The following TFRC variants were observed in gnomAD, a reference collection of about 807,000 sequenced individuals.
TFRC encodes the protein transferrin receptor protein 1.
Under a neutral mutation model 85.8 loss-of-function variants are expected in TFRC, and 35 were observed. That is an observed-to-expected ratio of 0.41 (90% CI 0.31 to 0.54). The LOEUF (loss-of-function observed/expected upper bound fraction) is 0.54, where lower values mean the gene tolerates loss of function less well. Among genes scored for constraint, TFRC ranks in the 20% least tolerant of loss-of-function variants. The probability of loss-of-function intolerance (pLI) is 0.31; values close to 1 mark genes in which losing one functional copy is unlikely to be tolerated. For synonymous variants in TFRC, 362 were observed against 328.6 expected (o/e 1.10, Z -1.10); for missense variants, 828 against 921.5 (o/e 0.90, Z 1.31).
At position 196,071,451 on chromosome 3, in the gene TFRC, T is replaced by C. The variant is rs770496767; in HGVS notation, c.632A>G (p.Tyr211Cys). The change falls in exon 6 of 19, where the codon TAC becomes TGC. Residue 211 changes from tyrosine (Y) to cysteine (C), a missense_variant. By Grantham distance (194) the Tyr-to-Cys change is radical (BLOSUM62 -2). Coordinates refer to ENST00000360110, the MANE Select transcript of TFRC (RefSeq NM_001128148.3). ...ATAACCCCCAGGATTCTCCACCAGG[T>C]AAACAAGTCTACCGTTCTTATCAAC... ...IIVDKNGRLVYLVENPGGYVA... is the reference protein window; with the variant it reads ...IIVDKNGRLVCLVENPGGYVA... 2 of 1,614,082 alleles carry C rather than the reference T, an allele frequency of 1.2e-6. No individual in the cohort carries two copies. Among genetic ancestry groups the C allele is most frequent in the South Asian group, 2.2e-5 (2 of 91,082 alleles).
In TFRC at chr3:196,051,308, C is replaced by A. The variant is rs1357934295; in HGVS notation, c.*634G>T. The A allele has an allele frequency of 9.1e-6, 2 of 220,000 alleles. No homozygotes were observed. Among genetic ancestry groups the A allele is most frequent in the Non-Finnish European group, 1.8e-5 (2 of 109,490 alleles). 13.6% of individuals were successfully genotyped at this position (220,000 alleles called of 1,614,324 possible). On this transcript the variant is annotated 3_prime_UTR_variant, in exon 19 of 19. Transcript: ENST00000360110. The stretch of plus-strand genomic sequence containing the variant: ...TCTTTGGCTTCTGGTCCCCTCTTTT[C>A]ATAAATGACACTGAGGTTAACATAT...
chr3:196,067,742 C>A, intron 8 of TFRC, 85 bp from the exon 9 acceptor site: 2 of 1,487,762 alleles, frequency 1.3e-6, no homozygotes, highest in Admixed American at 4.5e-5. Context: ...AAGGCTGCAG[C>A]CCAACCTTAG....
At position 196,057,804 on chromosome 3, in the gene TFRC, C is replaced by CA. The variant is rs1716938098; in HGVS notation, c.1677+479dup. Among the ~76,000 whole-genome samples the CA allele has an allele frequency of 3.5e-5, 5 of 141,244 alleles. No individual in the cohort carries two copies. The South Asian group carries it at 8.8e-4, about 25-fold the overall frequency. 92.7% of individuals were successfully genotyped at this position (141,244 alleles called of 152,430 possible). A position where few individuals can be genotyped will look rare whatever the true frequency, so the allele number is the denominator to read the frequency against. ...GTCAAAAAAAAAAAAAAAAACAAAA[C>CA]AAAAAACAAACAAAAAAAACCCAAC... is the stretch of plus-strand genomic sequence containing the variant. On this transcript the variant is annotated intron_variant, in intron 16 of 18. Transcript: ENST00000360110.
At chr3:196,066,245 T>A (rs746854586) in intron 9 of TFRC, among the ~76,000 whole-genome samples, 1 of 152,224 alleles carries the variant, frequency 6.6e-6, no homozygotes, top group Non-Finnish European at 1.5e-5. Flanking sequence ...CACTTTTATG[T>A]TTCCCAACTG....
Position 196,065,466 on chromosome 3 carries a change from A to G in TFRC, c.1175T>C (p.Val392Ala). The G allele has an allele frequency of 6.4e-7, 1 of 1,551,954 alleles. No individual in the cohort carries two copies. The highest frequency in any genetic ancestry group is 8.7e-7 in the Non-Finnish European group (1 of 1,146,056). Residue 392 changes from valine to alanine, a missense_variant, in exon 10 of 19, where the codon GTT (valine) becomes GCT (alanine). Val to Ala is a moderately conservative substitution (Grantham distance 64). Coordinates refer to ENST00000360110, the MANE Select transcript of TFRC (RefSeq NM_001128148.3). Reference protein sequence around the residue: ...KEIKILNIFGVIKGFVEPDHY... With the variant: ...KEIKILNIFGAIKGFVEPDHY... ...ACCTGGTTCTACAAAGCCTTTAATA[A>G]CTCCAAAGATGTTAAGAATTTTTAT... is the stretch of plus-strand genomic sequence containing the variant.
intron 13 of TFRC, among the ~76,000 whole-genome samples, chr3:196,061,780 C>T (rs529587023): frequency 1.2e-4 from 19 of 152,270 alleles, no homozygotes; most frequent in African/African-American, 3.4e-4. Context: ...TGCACCACTG[C>T]GCCCAGCCCA....
intron 3 of TFRC, chr3:196,074,344 A>G (rs1473511794): frequency 2.6e-6 from 1 of 381,962 alleles, no homozygotes; most frequent in Non-Finnish European, 4.6e-6. Context: ...AAACATAGGT[A>G]GTTTTTTCCA....
In TFRC at chr3:196,049,590, C is replaced by T. The variant is rs1209102970; in HGVS notation, c.*2352G>A. 1.3e-5 allele frequency: 3 copies of T among 223,446 alleles called. No homozygotes were observed. Among genetic ancestry groups the T allele is most frequent in the Non-Finnish European group, 2.7e-5 (3 of 112,042 alleles). 13.8% of individuals were successfully genotyped at this position (223,446 alleles called of 1,614,324 possible). ...TATTGAGCCTGTTAGCACGTACTGG[C>T]TTGATAGGAAGTAACTCAACCCTAA... is the stretch of plus-strand genomic sequence containing the variant. On this transcript the variant is annotated 3_prime_UTR_variant, in exon 19 of 19. Coordinates refer to ENST00000360110, the MANE Select transcript of TFRC (RefSeq NM_001128148.3).
chr3:196,067,062 A>G (rs41295853), intron 9 of TFRC, among the ~76,000 whole-genome samples: 5,359 of 152,316 alleles, frequency 0.035, 126 homozygotes, highest in South Asian at 0.1. Context: ...GGAAACCATC[A>G]TAAGAAGCAA....
Position 196,068,126 on chromosome 3 carries a change from G to C in TFRC, c.806C>G (p.Ala269Gly), listed in dbSNP as rs1382918763. The stretch of plus-strand genomic sequence containing the variant: ...AATTGCATTTAAGCTTTCAGCATTT[G>C]CAACCTAAAAGAAAACATATAAAGC... ...AGKITFAEKV[A>G]NAESLNAIGV... The change falls in exon 8 of 19, where the codon GCA (alanine) becomes GGA (glycine). Residue 269 changes from alanine to glycine, a missense_variant. Transcript: ENST00000360110. The C allele has an allele frequency of 2.5e-6, 4 of 1,610,062 alleles. No homozygotes were observed. The highest frequency in any genetic ancestry group is 3.4e-6 in the Non-Finnish European group (4 of 1,178,100).
intron 7 of TFRC, among the ~76,000 whole-genome samples, 169 bp from the exon 8 acceptor site, chr3:196,068,299 T>A (rs962881227): frequency 2.0e-5 from 3 of 152,144 alleles, no homozygotes; most frequent in Non-Finnish European, 2.9e-5. Context: ...TCCTGAAAAA[T>A]TAACTCACTT....
At chr3:196,058,830 G>C (rs762491275) in intron 14 of TFRC, 198 bp from the exon 15 acceptor site, 21 of 346,940 alleles carry the variant, frequency 6.1e-5, no homozygotes, top group Non-Finnish European at 1.0e-4. Flanking sequence ...AGTTCCTTTA[G>C]TTATGGTGAG....
chr3:196,055,443 A>G (rs570046297), intron 16 of TFRC, 142 bp from the exon 17 acceptor site: 2 of 665,170 alleles, frequency 3.0e-6, no homozygotes, highest in East Asian at 2.7e-5. Context: ...CCCCAATTCT[A>G]TCTCATTATC....
Position 196,065,429 on chromosome 3 carries a change from G to GA in TFRC, c.1198+13_1198+14insT. On this transcript the variant is annotated intron_variant, in intron 10 of 18. Transcript: ENST00000360110. ...AAAAAAAGCGGGGCGGGGGGGGGGG[G>GA]GGGCGGTCTTTACCTGGTTCTACAA... 1.7e-6 allele frequency: 1 copy of GA among 605,264 alleles called. No homozygotes were observed. Among genetic ancestry groups the GA allele is most frequent in the Non-Finnish European group, 2.3e-6 (1 of 431,498 alleles). 37.5% of individuals were successfully genotyped at this position (605,264 alleles called of 1,614,324 possible). A position where few individuals can be genotyped will look rare whatever the true frequency, so the allele number is the denominator to read the frequency against.
chr3:196,070,442 T>G (rs2108651863), intron 6 of TFRC, among the ~76,000 whole-genome samples: 1 of 152,170 alleles, frequency 6.6e-6, no homozygotes, highest in South Asian at 2.1e-4. Context: ...TTTTTGTATT[T>G]TTAATAGAGT....
At chr3:196,064,496 A>C in intron 10 of TFRC, 68 bp from the exon 11 acceptor site, 1 of 1,460,278 alleles carries the variant, frequency 6.8e-7, no homozygotes, top group Non-Finnish European at 9.1e-7. Flanking sequence ...TAGAATTAGC[A>C]CATCAGTAGA....
At chr3:196,056,407 T>C (rs1023654005) in intron 16 of TFRC, among the ~76,000 whole-genome samples, 7 of 152,134 alleles carry the variant, frequency 4.6e-5, no homozygotes, top group Non-Finnish European at 8.8e-5. Flanking sequence ...CTTGGTTTTT[T>C]TTTTGTTGTT....
intron 4 of TFRC, among the ~76,000 whole-genome samples, chr3:196,073,369 G>C (rs1718391344): frequency 6.6e-6 from 1 of 152,000 alleles, no homozygotes; most frequent in Admixed American, 6.6e-5. Context: ...TATGGTAGGG[G>C]GATGAAGCTG....
At chr3:196,066,775 T>C (rs1351111567) in intron 9 of TFRC, among the ~76,000 whole-genome samples, 2 of 152,224 alleles carry the variant, frequency 1.3e-5, no homozygotes, top group Non-Finnish European at 2.9e-5. Context: ...ACAGATGTTC[T>C]TCATTTGAGA....
Sources: allele counts gnomAD v4.1 joint callset (sites outside exome capture counted in the v4.1 genomes callset), GRCh38; gene constraint gnomAD v4.1.1; transcripts MANE v1.5; gene names NCBI Gene and HGNC (gene_info 2026-07-23, HGNC 2026-07-21).